The following USP6NL variants were observed in gnomAD, a reference collection of about 807,000 sequenced individuals.
The protein encoded by USP6NL is USP6 N-terminal like.
USP6NL carries 26 observed loss-of-function variants against 61.9 expected under a neutral mutation model. That is an observed-to-expected ratio of 0.42 (90% CI 0.31 to 0.58). The LOEUF is 0.58. Among genes scored for constraint, USP6NL ranks in the 20% least tolerant of loss-of-function variants. The probability of loss-of-function intolerance (pLI) is 0.16; values close to 1 mark genes in which losing one functional copy is unlikely to be tolerated. For missense variants in USP6NL, 1,114 were observed against 1,034.3 expected, an observed-to-expected ratio of 1.08 and a Z score of -1.06; for synonymous variants, 432 against 390.1, an observed-to-expected ratio of 1.11 and a Z score of -1.27.
At position 11,553,769 on chromosome 10, in the gene USP6NL, G is replaced by T. The variant is rs1222652079; in HGVS notation, c.5-26202C>A. Reference sequence around the variant, plus strand: ...AAATTAGCAAGGCATGGTGGTGGGCGCCTGTAATCCCAACTACTCGCGAGG... The same window carrying T: ...AAATTAGCAAGGCATGGTGGTGGGCTCCTGTAATCCCAACTACTCGCGAGG... On this transcript the variant is annotated intron_variant, in intron 2 of 14. Coordinates refer to ENST00000609104, the MANE Select transcript of USP6NL (RefSeq NM_014688.5). This position sits in a 1 kb window ranked among gnomAD's most constrained non-coding sequence, Gnocchi z 4.8. Among the ~76,000 whole-genome samples the T allele has an allele frequency of 6.6e-6, 1 of 151,786 alleles. No homozygotes were observed. The highest frequency in any genetic ancestry group is 1.5e-5 in the Non-Finnish European group (1 of 67,938).
rs569837175 is a variant in USP6NL, at chr10:11,499,991, T to C, written c.384+1110A>G. Among the ~76,000 whole-genome samples, 1 of 152,354 alleles carries C rather than the reference T, an allele frequency of 6.6e-6. No individual in the cohort carries two copies. Among genetic ancestry groups the C allele is most frequent in the South Asian group, 2.1e-4 (1 of 4,830 alleles). On this transcript the variant is annotated intron_variant, in intron 7 of 14. Coordinates refer to ENST00000609104, the MANE Select transcript of USP6NL (RefSeq NM_014688.5). This position sits in a 1 kb window ranked among gnomAD's most constrained non-coding sequence, Gnocchi z 4.5. ...TGCTGGGGTTATATTTCATATTATG[T>C]TCTCTCAGACATCATGTCCTTTGCC...
rs1011341067 is a variant in USP6NL, at chr10:11,592,759, T to C, written c.4+4872A>G. Among the ~76,000 whole-genome samples, 1 of 152,260 alleles carries C rather than the reference T, an allele frequency of 6.6e-6. No homozygotes were observed. Among genetic ancestry groups the C allele is most frequent in the African/African-American group, 2.4e-5 (1 of 41,472 alleles). On this transcript the variant is annotated intron_variant, in intron 2 of 14. Transcript: ENST00000609104. This position sits in a 1 kb window ranked among gnomAD's most constrained non-coding sequence, Gnocchi z 4.7. ...TAGCCAGTACTTATGGGAAGTCTTCTGTTACTTGGAGCACAACTTTTTTAC... is the reference window on the plus strand; with the variant it reads ...TAGCCAGTACTTATGGGAAGTCTTCCGTTACTTGGAGCACAACTTTTTTAC...
At chr10:11,576,952 A>G (rs926147516) in intron 2 of USP6NL, among the ~76,000 whole-genome samples, 3 of 152,118 alleles carry the variant, frequency 2.0e-5, no homozygotes, top group Non-Finnish European at 4.4e-5. Context: ...GGTAGAAATG[A>G]TATTTTTCAG....
At position 11,585,178 on chromosome 10, in the gene USP6NL, G is replaced by A. The variant is rs2133620468; in HGVS notation, c.4+12453C>T. 6.6e-6 allele frequency among the ~76,000 whole-genome samples: 1 copy of A among 152,254 alleles called. No individual in the cohort carries two copies. The highest frequency in any genetic ancestry group is 1.9e-4 in the East Asian group (1 of 5,180). On this transcript the variant is annotated intron_variant, in intron 2 of 14. Transcript: ENST00000609104. The surrounding 1 kb of genome is among the most constrained non-coding windows in gnomAD (Gnocchi z 4.5). ...CTAACAAGGAAATAGCACCTCACTA[G>A]GATGGCTACTACCAACGAAACAGAA... is the stretch of plus-strand genomic sequence containing the variant.
At position 11,525,482 on chromosome 10, in the gene USP6NL, C is replaced by CA. The variant is rs761686387; in HGVS notation, c.73-15dup. 4 of 1,536,856 alleles carry CA rather than the reference C, an allele frequency of 2.6e-6. No individual in the cohort carries two copies. Among genetic ancestry groups the CA allele is most frequent in the East Asian group, 2.4e-5 (1 of 41,062 alleles). On this transcript the variant is annotated splice_polypyrimidine_tract_variant and intron_variant, in intron 3 of 14. Transcript: ENST00000609104. The surrounding 1 kb of genome is among the most constrained non-coding windows in gnomAD (Gnocchi z 5.0). Reference sequence around the variant, plus strand: ...ACCTTCTCGTCCCTAAAATAAGGCACAAAAAAAGGTGTTAATCAGAGTTTA... The same window carrying CA: ...ACCTTCTCGTCCCTAAAATAAGGCACAAAAAAAAGGTGTTAATCAGAGTTTA...
chr10:11,555,296 C>T (rs1591922647), intron 2 of USP6NL, among the ~76,000 whole-genome samples: 1 of 147,424 alleles, frequency 6.8e-6, no homozygotes. Context: ...GCACCTGTAA[C>T]CCCAGCTACT....
At chr10:11,471,411 A>C (rs547752233) in intron 14 of USP6NL, among the ~76,000 whole-genome samples, 1 of 152,204 alleles carries the variant, frequency 6.6e-6, no homozygotes, top group Non-Finnish European at 1.5e-5. Context: ...TGTGGAAGTC[A>C]GTGTGGCGAT....
chr10:11,498,244 A>T (rs1834030656), intron 7 of USP6NL, among the ~76,000 whole-genome samples: 1 of 125,334 alleles, frequency 8.0e-6, no homozygotes, highest in African/African-American at 2.6e-5. Flanking sequence ...TCAAAAAAAA[A>T]AAAAAAAAAA....
At chr10:11,547,355 A>G (rs549912239) in intron 2 of USP6NL, among the ~76,000 whole-genome samples, 1 of 152,248 alleles carries the variant, frequency 6.6e-6, no homozygotes, top group Admixed American at 6.5e-5. Flanking sequence ...GAGGAAAGGG[A>G]GGCGCTCTGA....
At chr10:11,480,619 C>G (rs1287699147) in intron 14 of USP6NL, among the ~76,000 whole-genome samples, 1 of 152,194 alleles carries the variant, frequency 6.6e-6, no homozygotes, top group East Asian at 1.9e-4. Flanking sequence ...CTTGAGCAAA[C>G]CTTGGAGCAG....
In USP6NL at chr10:11,495,945, C is replaced by A. The variant is rs984263827; in HGVS notation, c.385-2717G>T. On this transcript the variant is annotated intron_variant, in intron 7 of 14. Transcript: ENST00000609104. The surrounding 1 kb of genome is among the most constrained non-coding windows in gnomAD (Gnocchi z 4.6). ...GTGGCCAAGCAGTTGGACTGGGGTTCCCTGAAGTCAGTACCTTTGGGTTTA... is the reference window on the plus strand; with the variant it reads ...GTGGCCAAGCAGTTGGACTGGGGTTACCTGAAGTCAGTACCTTTGGGTTTA... 3.3e-5 allele frequency among the ~76,000 whole-genome samples: 5 copies of A among 152,106 alleles called. No homozygotes were observed. Among genetic ancestry groups the A allele is most frequent in the Non-Finnish European group, 7.3e-5 (5 of 68,032 alleles).
chr10:11,606,813 A>G (rs1245830280), intron 1 of USP6NL, among the ~76,000 whole-genome samples: 1 of 150,672 alleles, frequency 6.6e-6, no homozygotes, highest in African/African-American at 2.4e-5. Flanking sequence ...TTTTTTTGAC[A>G]CGGAGTTTTA....
intron 2 of USP6NL, among the ~76,000 whole-genome samples, chr10:11,572,900 A>C (rs893984723): frequency 6.6e-6 from 1 of 152,164 alleles, no homozygotes; most frequent in Non-Finnish European, 1.5e-5. Flanking sequence ...TTAAATGCTT[A>C]AAAAGTAAAA....
intron 2 of USP6NL, among the ~76,000 whole-genome samples, chr10:11,579,966 G>GT (rs1837689812): frequency 6.7e-6 from 1 of 148,350 alleles, no homozygotes; most frequent in South Asian, 2.2e-4. Flanking sequence ...AGAGTGGCGG[G>GT]GGGGGGGCAG....
At chr10:11,558,090 G>C (rs2133520003) in intron 2 of USP6NL, among the ~76,000 whole-genome samples, 1 of 152,322 alleles carries the variant, frequency 6.6e-6, no homozygotes, top group African/African-American at 2.4e-5. Flanking sequence ...ACATTCAGAT[G>C]CACAGGTACA....
chr10:11,478,835 G>A lies in USP6NL; in HGVS notation c.1078+2935C>T, dbSNP rs917253723. On this transcript the variant is annotated intron_variant, in intron 14 of 14. Coordinates refer to ENST00000609104, the MANE Select transcript of USP6NL (RefSeq NM_014688.5). The surrounding 1 kb of genome is among the most constrained non-coding windows in gnomAD (Gnocchi z 6.8). ...GTGGGAGGATCACTTGAGCCGGGGA[G>A]GTCAAGGCTGCACTGAGCCATGATT... is the stretch of plus-strand genomic sequence containing the variant. 1.3e-5 allele frequency among the ~76,000 whole-genome samples: 2 copies of A among 152,196 alleles called. No individual in the cohort carries two copies. The highest frequency in any genetic ancestry group is 2.9e-5 in the Non-Finnish European group (2 of 68,000).
Position 11,463,186 on chromosome 10 carries a change from A to G in USP6NL, c.1742T>C (p.Leu581Pro), listed in dbSNP as rs1261759552. Residue 581 changes from leucine (L) to proline (P), a missense_variant, in exon 15 of 15, where the codon CTT becomes CCT. Physicochemically the swap from Leu to Pro is moderately conservative, Grantham distance 98 (BLOSUM62 -3). Coordinates refer to ENST00000609104, the MANE Select transcript of USP6NL (RefSeq NM_014688.5). The surrounding 1 kb of genome is among the most constrained non-coding windows in gnomAD (Gnocchi z 6.3). ...RAYSQSPRHA[L>P]YPPSPRKHAE... ...GTGCTTTCTCGGGCTAGGAGGGTAA[A>G]GGGCATGCCGGGGGCTCTGGGAGTA... The G allele has an allele frequency of 6.2e-7, 1 of 1,613,532 alleles. No individual in the cohort carries two copies. The highest frequency in any genetic ancestry group is 1.3e-5 in the African/African-American group (1 of 74,930).
chr10:11,567,786 T>C (rs149472609), intron 2 of USP6NL, among the ~76,000 whole-genome samples: 13 of 152,332 alleles, frequency 8.5e-5, no homozygotes, highest in African/African-American at 3.1e-4. Context: ...AGGCACTGTG[T>C]GAGTCCCTCA....
In USP6NL at chr10:11,598,755, G is replaced by C. The variant is rs1300948269; in HGVS notation, c.-83-1038C>G. ...GACCTCTGCTTTAGAATCAAAGTTAGGGAAATACTTTTTGAAGAAATACTG... is the reference window on the plus strand; with the variant it reads ...GACCTCTGCTTTAGAATCAAAGTTACGGAAATACTTTTTGAAGAAATACTG... On this transcript the variant is annotated intron_variant, in intron 1 of 14. Transcript: ENST00000609104. This position sits in a 1 kb window ranked among gnomAD's most constrained non-coding sequence, Gnocchi z 4.7. Among the ~76,000 whole-genome samples, 1 of 152,204 alleles carries C rather than the reference G, an allele frequency of 6.6e-6. No homozygotes were observed. The highest frequency in any genetic ancestry group is 1.5e-5 in the Non-Finnish European group (1 of 68,030).
Sources: gnomAD v4.1 joint callset for allele counts (sites outside exome capture counted in the v4.1 genomes callset) on GRCh38, gnomAD v4.1.1 for gene constraint, Gnocchi (gnomAD v3.1) non-coding constraint, MANE v1.5 for transcripts, NCBI Gene and HGNC (gene_info 2026-07-23, HGNC 2026-07-21) for gene names.